Variants in ERC2 observed in about 807,000 individuals in gnomAD.
ERC2 encodes ERC protein 2.
ERC2 carries 42 observed loss-of-function variants against 114.8 expected under a neutral mutation model. The ratio of observed to expected loss-of-function variants is 0.37; its 90% CI spans 0.29 to 0.47. The LOEUF is 0.47. Ranked by LOEUF, ERC2 falls within the 20% of genes least tolerant of loss-of-function variation. The pLI is 0.99. For missense variants in ERC2, 939 were observed against 1,150.7 expected, an observed-to-expected ratio of 0.82 and a Z score of 2.66; for synonymous variants, 454 against 425.5, an observed-to-expected ratio of 1.07 and a Z score of -0.82.
intron 1 of ERC2, among the ~76,000 whole-genome samples, chr3:56,455,018 G>A (rs2063000907): frequency 6.6e-6 from 1 of 152,110 alleles, no homozygotes; most frequent in South Asian, 2.1e-4. Flanking sequence ...CATAGAGACA[G>A]AAAGTATAAT....
intron 2 of ERC2, among the ~76,000 whole-genome samples, chr3:56,373,630 G>C (rs1328907663): frequency 6.6e-6 from 1 of 152,146 alleles, no homozygotes; most frequent in Non-Finnish European, 1.5e-5. Context: ...TTTCTGCAAA[G>C]GGCCAAACAG....
intron 2 of ERC2, among the ~76,000 whole-genome samples, chr3:56,303,652 C>G (rs905391140): frequency 6.6e-6 from 1 of 152,208 alleles, no homozygotes; most frequent in African/African-American, 2.4e-5. Flanking sequence ...ACTCTCTGGT[C>G]TCTCTTCCTC....
intron 12 of ERC2, among the ~76,000 whole-genome samples, chr3:55,968,827 C>A (rs767825001): frequency 8.5e-5 from 13 of 152,124 alleles, no homozygotes; most frequent in South Asian, 2.1e-4. Context: ...GTCATCACTA[C>A]CCTATTGGAT....
chr3:56,329,780 G>A (rs1045055578), intron 2 of ERC2, among the ~76,000 whole-genome samples: 2 of 143,280 alleles, frequency 1.4e-5, no homozygotes, highest in South Asian at 4.4e-4. Flanking sequence ...TCATATATAT[G>A]TATTTCCACT....
chr3:56,394,939 C>T (rs1560741263), intron 2 of ERC2, among the ~76,000 whole-genome samples: 1 of 151,132 alleles, frequency 6.6e-6, no homozygotes, highest in Non-Finnish European at 1.5e-5. Context: ...AATGGATACA[C>T]AAAATGTGGT....
At chr3:55,885,162 G>T (rs2149313310) in intron 14 of ERC2, among the ~76,000 whole-genome samples, 1 of 152,258 alleles carries the variant, frequency 6.6e-6, no homozygotes, top group Non-Finnish European at 1.5e-5. Flanking sequence ...AAAGATAATG[G>T]GTGCTGGTTG....
chr3:55,641,034 A>G (rs1443472826), intron 17 of ERC2, among the ~76,000 whole-genome samples: 1 of 152,192 alleles, frequency 6.6e-6, no homozygotes, highest in Admixed American at 6.5e-5. Context: ...AGAGGCTTCC[A>G]TACATCTGGG....
At chr3:56,330,424 A>T (rs1483838187) in intron 2 of ERC2, among the ~76,000 whole-genome samples, 1 of 152,166 alleles carries the variant, frequency 6.6e-6, no homozygotes, top group African/African-American at 2.4e-5. Flanking sequence ...TAAGTAACTA[A>T]AGATCTAGGA....
intron 1 of ERC2, among the ~76,000 whole-genome samples, chr3:56,437,434 TG>T (rs1250185865): frequency 6.6e-6 from 1 of 152,234 alleles, no homozygotes; most frequent in Non-Finnish European, 1.5e-5. Context: ...TGGACTGTTT[TG>T]CCACATTACA....
chr3:55,932,874 T>A, intron 13 of ERC2, among the ~76,000 whole-genome samples: 1 of 152,170 alleles, frequency 6.6e-6, no homozygotes, highest in East Asian at 1.9e-4. Context: ...AATTAATACA[T>A]AGGTCTGGCC....
chr3:55,542,847 G>A (rs913145116), intron 17 of ERC2, among the ~76,000 whole-genome samples: 1 of 152,276 alleles, frequency 6.6e-6, no homozygotes, highest in African/African-American at 2.4e-5. Flanking sequence ...CCTTCTAATG[G>A]ATTCCATAGT....
intron 7 of ERC2, among the ~76,000 whole-genome samples, chr3:56,079,162 G>T (rs2077112249): frequency 6.6e-6 from 1 of 151,942 alleles, no homozygotes; most frequent in Admixed American, 6.6e-5. Flanking sequence ...AAAGTAAAAA[G>T]AAACAAGTGA....
intron 14 of ERC2, among the ~76,000 whole-genome samples, chr3:55,827,732 C>T (rs1277697296): frequency 6.6e-6 from 1 of 152,172 alleles, no homozygotes; most frequent in Non-Finnish European, 1.5e-5. Context: ...CCCATGGTAC[C>T]TGGGTCCCTG....
intron 1 of ERC2, among the ~76,000 whole-genome samples, chr3:56,449,057 A>T (rs1276022007): frequency 3.6e-5 from 5 of 139,612 alleles, no homozygotes; most frequent in Non-Finnish European, 7.6e-5. Context: ...CCTGGGCAAC[A>T]GAGCGAGACT....
rs2058051260 is a variant in ERC2 at position 56,340,580 on chromosome 3, T to TGTGTG, written c.658-44146_658-44145insCACAC. Among the ~76,000 whole-genome samples, 5 of 33,434 alleles carry TGTGTG rather than the reference T, an allele frequency of 1.5e-4. No individual in the cohort carries two copies. In the South Asian group the frequency reaches 6.0e-3, roughly 40 times the overall value. The allele number at this position is 33,434 out of a possible 152,430, so 21.9% of individuals were successfully genotyped here. ...TGTGTGTGTGTGTGTGTGTGTGTGT[T>TGTGTG]TAATCTCACTAATTTACAGAGCATA... On this transcript the variant is annotated intron_variant, in intron 2 of 17. Transcript: ENST00000288221.
chr3:55,976,919 G>A (rs950780854), intron 12 of ERC2, among the ~76,000 whole-genome samples: 1 of 152,148 alleles, frequency 6.6e-6, no homozygotes, highest in Non-Finnish European at 1.5e-5. Context: ...GGGCCTTTTG[G>A]GAGGTGACTA....
rs939825136 is a variant in ERC2, at chr3:55,837,659, C to T, written c.2564+50730G>A. 4.6e-5 allele frequency among the ~76,000 whole-genome samples: 7 copies of T among 151,610 alleles called. No individual in the cohort carries two copies. The East Asian group carries it at 5.8e-4, about 13-fold the overall frequency. On this transcript the variant is annotated intron_variant, in intron 14 of 17. Transcript: ENST00000288221. The stretch of plus-strand genomic sequence containing the variant: ...AGGAGATATACCTAATTCTAAATGA[C>T]GAGTTAATGGGTACAGCACACCAGC...
At chr3:56,351,511 G>A (rs1255501893) in intron 2 of ERC2, among the ~76,000 whole-genome samples, 2 of 151,926 alleles carry the variant, frequency 1.3e-5, no homozygotes, top group Admixed American at 1.3e-4. Context: ...AAGAGAGACA[G>A]AAAGAAAAAA....
chr3:56,176,918 C>G (rs2083011923), intron 3 of ERC2, among the ~76,000 whole-genome samples: 1 of 152,160 alleles, frequency 6.6e-6, no homozygotes, highest in South Asian at 2.1e-4. Context: ...GCAACGCGAT[C>G]AACTTTCATA....
Sources: gnomAD v4.1 joint callset for allele counts (sites outside exome capture counted in the v4.1 genomes callset) on GRCh38, gnomAD v4.1.1 for gene constraint, MANE v1.5 for transcripts, NCBI Gene and HGNC (gene_info 2026-07-23, HGNC 2026-07-21) for gene names.